Variants in MB21D2 observed in about 807,000 individuals in gnomAD.
The protein encoded by MB21D2 is Mab-21 domain containing 2.
A neutral mutation model predicts 33.3 loss-of-function variants in MB21D2; 9 were observed. That is an observed-to-expected ratio of 0.27 (90% CI 0.16 to 0.47). The LOEUF (loss-of-function observed/expected upper bound fraction) is 0.47, where lower values mean the gene tolerates loss of function less well. Among genes scored for constraint, MB21D2 ranks in the 20% least tolerant of loss-of-function variants. The probability of loss-of-function intolerance (pLI) is 0.99; values close to 1 mark genes in which losing one functional copy is unlikely to be tolerated. For missense variants in MB21D2, 540 were observed against 624.6 expected, an observed-to-expected ratio of 0.86 and a Z score of 1.44; for synonymous variants, 241 against 236.3, an observed-to-expected ratio of 1.02 and a Z score of -0.18.
intron 1 of MB21D2, among the ~76,000 whole-genome samples, chr3:192,872,945 A>C (rs1265932914): frequency 6.6e-6 from 1 of 152,078 alleles, no homozygotes; most frequent in Non-Finnish European, 1.5e-5. Flanking sequence ...GCTTAACCCA[A>C]CAGATCCCAA....
At chr3:192,824,541 C>T (rs907592240) in intron 1 of MB21D2, among the ~76,000 whole-genome samples, 6 of 150,020 alleles carry the variant, frequency 4.0e-5, no homozygotes, top group African/African-American at 1.5e-4. Context: ...AGTTTCTGGA[C>T]ATCAATTGCC....
At chr3:192,907,389 C>T (rs1714236443) in intron 1 of MB21D2, among the ~76,000 whole-genome samples, 1 of 152,180 alleles carries the variant, frequency 6.6e-6, no homozygotes, top group South Asian at 2.1e-4. Flanking sequence ...CCTCGCATCC[C>T]TCCCTTGTCT....
At chr3:192,909,951 A>G (rs1184934334) in intron 1 of MB21D2, among the ~76,000 whole-genome samples, 1 of 147,686 alleles carries the variant, frequency 6.8e-6, no homozygotes, top group Non-Finnish European at 1.5e-5. Flanking sequence ...AAAAAAAAAA[A>G]AAAAAAAAAA....
At chr3:192,917,535 A>C (rs1714495936) in intron 1 of MB21D2, 95 bp downstream of exon 1, 2 of 1,367,368 alleles carry the variant, frequency 1.5e-6, no homozygotes, top group Admixed American at 1.8e-5. Context: ...AAGGCAACCC[A>C]GAAGGGAAGA....
At chr3:192,866,353 G>C (rs145285981) in intron 1 of MB21D2, among the ~76,000 whole-genome samples, 107 of 152,170 alleles carry the variant, frequency 7.0e-4, no homozygotes, top group Admixed American at 1.9e-3. Context: ...AATTTGCTGG[G>C]ATTAAAAAAA....
At chr3:192,917,445 G>A (rs1714493099) in intron 1 of MB21D2, among the ~76,000 whole-genome samples, 185 bp downstream of exon 1, 1 of 152,192 alleles carries the variant, frequency 6.6e-6, no homozygotes, top group South Asian at 2.1e-4. Flanking sequence ...AAGGAGGGGA[G>A]GGCAGGCAGC....
At chr3:192,838,922 T>G (rs1712510403) in intron 1 of MB21D2, among the ~76,000 whole-genome samples, 1 of 152,124 alleles carries the variant, frequency 6.6e-6, no homozygotes, top group Non-Finnish European at 1.5e-5. Context: ...TGAATGCCCA[T>G]TTAGGTTAGG....
At chr3:192,908,119 T>C (rs1714251658) in intron 1 of MB21D2, among the ~76,000 whole-genome samples, 1 of 152,034 alleles carries the variant, frequency 6.6e-6, no homozygotes. Context: ...CTCCAGAAAA[T>C]GATAAAGTAT....
chr3:192,917,345 G>A (rs143747173), intron 1 of MB21D2, among the ~76,000 whole-genome samples: 18 of 152,326 alleles, frequency 1.2e-4, no homozygotes, highest in Middle Eastern at 3.4e-3. Context: ...CACCGCGAAC[G>A]CCTCACCTGC....
At chr3:192,820,650 G>A (rs554292824) in intron 1 of MB21D2, among the ~76,000 whole-genome samples, 22 of 152,358 alleles carry the variant, frequency 1.4e-4, no homozygotes, top group East Asian at 1.3e-3. Flanking sequence ...GTCCCGCCCC[G>A]GGCTCTCTCT....
chr3:192,851,581 G>A lies in MB21D2; in HGVS notation c.212-51931C>T, dbSNP rs562118091. On this transcript the variant is annotated intron_variant, in intron 1 of 1. Transcript: ENST00000392452. Reference sequence around the variant, plus strand: ...ACGATCTTGGCTCACTGAAACCTCCGTCTCCCGGATTCAAGCGATTCTCCT... The same window carrying A: ...ACGATCTTGGCTCACTGAAACCTCCATCTCCCGGATTCAAGCGATTCTCCT... Among the ~76,000 whole-genome samples the A allele has an allele frequency of 2.1e-4, 28 of 135,780 alleles. 1 individual carries two copies. In the East Asian group the frequency reaches 3.2e-3, roughly 16 times the overall value. The allele number at this position is 135,780 out of a possible 152,430, so 89.1% of individuals were successfully genotyped here.
chr3:192,831,547 C>A (rs1036930220), intron 1 of MB21D2, among the ~76,000 whole-genome samples: 1 of 152,294 alleles, frequency 6.6e-6, no homozygotes, highest in African/African-American at 2.4e-5. Context: ...AGTCACGTCA[C>A]CTTCTTAGTA....
intron 1 of MB21D2, among the ~76,000 whole-genome samples, chr3:192,914,626 A>G (rs1714422970): frequency 6.6e-6 from 1 of 152,090 alleles, no homozygotes; most frequent in Non-Finnish European, 1.5e-5. Flanking sequence ...TATTAACTAG[A>G]TAATAACACC....
intron 1 of MB21D2, among the ~76,000 whole-genome samples, chr3:192,878,103 G>GTTTTTTTTTTTTTTTT (rs1296544101): frequency 7.5e-5 from 10 of 134,220 alleles, no homozygotes; most frequent in African/African-American, 8.3e-5. Flanking sequence ...TTTTTTTTTG[G>GTTTTTTTTTTTTTTTT]TTTTTTTTGT....
At chr3:192,801,258 C>T (rs1577165555) in intron 1 of MB21D2, among the ~76,000 whole-genome samples, 1 of 152,164 alleles carries the variant, frequency 6.6e-6, no homozygotes, top group Non-Finnish European at 1.5e-5. Context: ...TACTTGCTTA[C>T]GCTTGATTCT....
intron 1 of MB21D2, among the ~76,000 whole-genome samples, chr3:192,868,885 C>T (rs531482292): frequency 2.6e-5 from 4 of 152,132 alleles, no homozygotes; most frequent in African/African-American, 7.2e-5. Context: ...TGGGAAATGA[C>T]GTAGCCAATG....
At chr3:192,883,704 G>C (rs938147697) in intron 1 of MB21D2, among the ~76,000 whole-genome samples, 1 of 152,000 alleles carries the variant, frequency 6.6e-6, no homozygotes, top group African/African-American at 2.4e-5. Flanking sequence ...CAGCATTCCA[G>C]TCCCAGGAAT....
chr3:192,856,447 A>G (rs1286599970), intron 1 of MB21D2, among the ~76,000 whole-genome samples: 1 of 152,236 alleles, frequency 6.6e-6, no homozygotes, highest in Non-Finnish European at 1.5e-5. Context: ...TTAGGCAATA[A>G]GCACCAGGAA....
rs1713337565 is a variant in MB21D2, at chr3:192,872,702, C to A, written c.211+44928G>T. ...TAAAATTATGAAACAGAATCAGGTT[C>A]TAGGTTTTCTCTGGGCTCATCTTTG... On this transcript the variant is annotated intron_variant, in intron 1 of 1. Coordinates refer to ENST00000392452, the MANE Select transcript of MB21D2 (RefSeq NM_178496.4). 2.0e-5 allele frequency among the ~76,000 whole-genome samples: 3 copies of A among 152,238 alleles called. No individual in the cohort carries two copies. The South Asian group carries it at 6.2e-4, about 32-fold the overall frequency.
Sources: gnomAD v4.1 joint callset for allele counts (sites outside exome capture counted in the v4.1 genomes callset) on GRCh38, gnomAD v4.1.1 for gene constraint, MANE v1.5 for transcripts, NCBI Gene and HGNC (gene_info 2026-07-23, HGNC 2026-07-21) for gene names.